Variants in AOAH observed in about 807,000 individuals in gnomAD.
AOAH encodes acyloxyacyl hydrolase, also known as acyloxyacyl hydrolase (neutrophil).
A neutral mutation model predicts 92.2 loss-of-function variants in AOAH; 64 were observed. The observed-to-expected ratio is 0.69, with a 90% confidence interval of 0.57 to 0.86. AOAH has a LOEUF of 0.86. AOAH is among the 40% of genes least tolerant of loss of function. The pLI, the probability that AOAH is intolerant of heterozygous loss-of-function variation, is 0.00. For missense variants in AOAH, 656 were observed against 694.6 expected, an observed-to-expected ratio of 0.94 and a Z score of 0.62; for synonymous variants, 263 against 254.5, an observed-to-expected ratio of 1.03 and a Z score of -0.32.
rs1328009632 is a variant in AOAH at position 36,659,412 on chromosome 7, G to GCTGCTGGATGGTAATGATTTC, written c.291-168_291-148dup. 5 of 646,214 alleles carry GCTGCTGGATGGTAATGATTTC rather than the reference G, an allele frequency of 7.7e-6. No individual in the cohort carries two copies. The African/African-American group carries it at 9.1e-5, about 12-fold the overall frequency. 40.0% of individuals were successfully genotyped at this position (646,214 alleles called of 1,614,324 possible). On this transcript the variant is annotated intron_variant, in intron 3 of 20. Coordinates refer to ENST00000617537, the MANE Select transcript of AOAH (RefSeq NM_001637.4). ...TGGCCTTTGACCCCAATCCCGGGGA[G>GCTGCTGGATGGTAATGATTTC]CTGCTGGATGGTAATGATTTCCTGC...
intron 1 of AOAH, among the ~76,000 whole-genome samples, chr7:36,692,444 T>C (rs1797461249): frequency 1.7e-5 from 2 of 118,674 alleles, no homozygotes; most frequent in Admixed American, 9.3e-5. Context: ...ACCTAACTAC[T>C]ACTTGAAACA....
Position 36,530,500 on chromosome 7 carries a change from G to T in AOAH, c.1440C>A (p.Leu480=). 6.2e-7 allele frequency: 1 copy of T among 1,612,128 alleles called. No individual in the cohort carries two copies. Among genetic ancestry groups the T allele is most frequent in the South Asian group, 1.1e-5 (1 of 91,020 alleles). Residue 480 remains leucine (L), a synonymous_variant, in exon 19 of 21, where the codon CTC becomes CTA. Coordinates refer to ENST00000617537, the MANE Select transcript of AOAH (RefSeq NM_001637.4). ...CTGCAATTTTTTTCAGTGTGTTGGA[G>T]AGTTGCTCTGCTCTCTGAAGAGAGA... ...RTLTSERAEQ[L]SNTLKKIAAS...
intron 13 of AOAH, among the ~76,000 whole-genome samples, chr7:36,552,184 G>A (rs181257982): frequency 1.3e-5 from 2 of 152,298 alleles, no homozygotes; most frequent in East Asian, 3.9e-4. Context: ...GCCTCAGCAT[G>A]TGTTGTTCCC....
At chr7:36,623,395 G>A (rs563735955) in intron 6 of AOAH, 145 bp from the exon 7 acceptor site, 117 of 712,862 alleles carry the variant, frequency 1.6e-4, no homozygotes, top group Admixed American at 2.8e-4. Context: ...AAGATCCTGT[G>A]TGGTGTCAGA....
At chr7:36,537,519 T>TTTTG (rs1562546249) in intron 16 of AOAH, among the ~76,000 whole-genome samples, 1 of 147,612 alleles carries the variant, frequency 6.8e-6, no homozygotes, top group East Asian at 2.0e-4. Context: ...TTTTTTTTTT[T>TTTTG]TTTGTTTGTT....
chr7:36,630,610 C>T (rs781488296), intron 6 of AOAH, among the ~76,000 whole-genome samples: 9 of 152,158 alleles, frequency 5.9e-5, no homozygotes, highest in Non-Finnish European at 1.3e-4. Flanking sequence ...GAAAACACAG[C>T]ACTCCCCCAC....
intron 12 of AOAH, among the ~76,000 whole-genome samples, chr7:36,586,047 T>A (rs1323375231): frequency 6.6e-6 from 1 of 152,152 alleles, no homozygotes; most frequent in Non-Finnish European, 1.5e-5. Context: ...AGATGGTCCG[T>A]CTTGCCCAAG....
chr7:36,689,938 TCTCCATTC>T (rs1797282110), intron 1 of AOAH, among the ~76,000 whole-genome samples: 1 of 151,982 alleles, frequency 6.6e-6, no homozygotes, highest in Non-Finnish European at 1.5e-5. Context: ...CCTTGAGGAG[TCTCCATTC>T]CTATGACCCC....
At chr7:36,585,330 T>G (rs1311809277) in intron 12 of AOAH, among the ~76,000 whole-genome samples, 3 of 152,108 alleles carry the variant, frequency 2.0e-5, no homozygotes, top group African/African-American at 7.2e-5. Flanking sequence ...ATGTTGTTGT[T>G]ATAGTGGAAA....
chr7:36,541,270 G>A (rs1216005063), intron 15 of AOAH, among the ~76,000 whole-genome samples: 2 of 152,048 alleles, frequency 1.3e-5, no homozygotes, highest in Non-Finnish European at 2.9e-5. Flanking sequence ...TAGTGCTTGT[G>A]CTCTATAGAG....
intron 13 of AOAH, among the ~76,000 whole-genome samples, chr7:36,561,768 A>G (rs1268102340): frequency 1.3e-5 from 2 of 152,178 alleles, no homozygotes; most frequent in South Asian, 2.1e-4. Flanking sequence ...ACTTGTCTTC[A>G]TTATCTAGGG....
intron 11 of AOAH, among the ~76,000 whole-genome samples, chr7:36,607,561 A>G (rs188025477): frequency 3.9e-5 from 6 of 152,338 alleles, no homozygotes; most frequent in Admixed American, 3.3e-4. Context: ...GCCCTGGAAG[A>G]AAATCCAGAC....
intron 1 of AOAH, among the ~76,000 whole-genome samples, chr7:36,713,569 T>C (rs1279487242): frequency 6.6e-6 from 1 of 152,164 alleles, no homozygotes; most frequent in Non-Finnish European, 1.5e-5. Flanking sequence ...ATTGACCACA[T>C]AGTTGGAAGT....
At chr7:36,666,334 G>T (rs566908377) in intron 3 of AOAH, among the ~76,000 whole-genome samples, 27 of 152,162 alleles carry the variant, frequency 1.8e-4, no homozygotes, top group Non-Finnish European at 3.7e-4. Flanking sequence ...TGTGGGCATA[G>T]AATTATTCAT....
intron 19 of AOAH, among the ~76,000 whole-genome samples, chr7:36,525,314 C>T (rs1054754393): frequency 2.6e-5 from 4 of 152,176 alleles, no homozygotes; most frequent in African/African-American, 9.7e-5. Context: ...TAGGGAAACA[C>T]AGTTTAAACA....
intron 11 of AOAH, among the ~76,000 whole-genome samples, chr7:36,601,670 TTAG>T (rs1562609454): frequency 6.6e-6 from 1 of 152,190 alleles, no homozygotes; most frequent in Non-Finnish European, 1.5e-5. Flanking sequence ...TCAATAAATG[TTAG>T]TAGCATTAAG....
chr7:36,681,402 C>T (rs1027492705), intron 2 of AOAH, among the ~76,000 whole-genome samples: 28 of 151,620 alleles, frequency 1.8e-4, no homozygotes, highest in Non-Finnish European at 1.5e-4. Context: ...AATCATGTTG[C>T]GTGAAAAAAA....
intron 3 of AOAH, among the ~76,000 whole-genome samples, chr7:36,673,186 G>A (rs1239430770): frequency 6.6e-6 from 1 of 152,196 alleles, no homozygotes; most frequent in African/African-American, 2.4e-5. Context: ...GATCATTGAT[G>A]AGAGACTGCC....
intron 11 of AOAH, among the ~76,000 whole-genome samples, chr7:36,599,154 G>A (rs553236918): frequency 1.3e-5 from 2 of 152,234 alleles, no homozygotes; most frequent in Non-Finnish European, 2.9e-5. Flanking sequence ...TTCATTTAAC[G>A]TTTCCCTGTG....
Sources: allele counts gnomAD v4.1 joint callset (sites outside exome capture counted in the v4.1 genomes callset), GRCh38; gene constraint gnomAD v4.1.1; transcripts MANE v1.5; gene names NCBI Gene and HGNC (gene_info 2026-07-23, HGNC 2026-07-21).